The following ASMTL variants were observed in gnomAD, a reference collection of about 807,000 sequenced individuals.
ASMTL encodes the protein acetylserotonin O-methyltransferase like.
Under a neutral mutation model 60.3 loss-of-function variants are expected in ASMTL, and 57 were observed. That is an observed-to-expected ratio of 0.95 (90% CI 0.76 to 1.18). ASMTL has a LOEUF of 1.18. Ranked by LOEUF, ASMTL falls within the 50% of genes most tolerant of loss-of-function variation. ASMTL has a pLI of 0.00. For missense variants in ASMTL, 981 were observed against 852.6 expected, an observed-to-expected ratio of 1.15 and a Z score of -1.88; for synonymous variants, 419 against 373.0, an observed-to-expected ratio of 1.12 and a Z score of -1.42.
chrX:1,425,233 T>G (rs1251764342), intron 8 of ASMTL, among the ~76,000 whole-genome samples: 2 of 152,244 alleles, frequency 1.3e-5, no homozygotes, highest in Non-Finnish European at 2.9e-5. Flanking sequence ...AATCAATGTC[T>G]GTGTACACCG....
chrX:1,433,885 T>C (rs1276195176), intron 5 of ASMTL, among the ~76,000 whole-genome samples: 6 of 152,002 alleles, frequency 3.9e-5, no homozygotes, highest in African/African-American at 7.2e-5. Context: ...GGAAGGAAAG[T>C]GCTGTCCCGA....
At chrX:1,452,221 C>T (rs146856275) in intron 1 of ASMTL, among the ~76,000 whole-genome samples, 3,778 of 147,680 alleles carry the variant, frequency 0.026, 79 homozygotes, top group Admixed American at 0.05. Flanking sequence ...CCTGGGGGTC[C>T]CGGGTTACTC....
intron 12 of ASMTL, among the ~76,000 whole-genome samples, chrX:1,411,774 G>A (rs1396500771): frequency 1.4e-5 from 2 of 146,636 alleles, no homozygotes; most frequent in Middle Eastern, 3.6e-3. Flanking sequence ...TCAACTTCAC[G>A]AATAGTAAAT....
chrX:1,444,557 C>T (rs763311535), intron 1 of ASMTL, among the ~76,000 whole-genome samples: 28 of 152,174 alleles, frequency 1.8e-4, no homozygotes, highest in Non-Finnish European at 2.8e-4. Flanking sequence ...CATTTGGTGC[C>T]GAAACCCAGG....
intron 11 of ASMTL, among the ~76,000 whole-genome samples, chrX:1,414,665 G>T (rs111526990): frequency 6.6e-6 from 1 of 152,046 alleles, no homozygotes; most frequent in Non-Finnish European, 1.5e-5. Context: ...CTAAGATCAC[G>T]CCACTGCACT....
Position 1,421,815 on chromosome X carries a change from A to T in ASMTL, c.1088T>A (p.Val363Asp). The T allele has an allele frequency of 6.2e-7, 1 of 1,613,808 alleles. No individual in the cohort carries two copies. The highest frequency in any genetic ancestry group is 1.1e-5 in the South Asian group (1 of 91,068). The change falls in exon 9 of 13, where the codon GTC becomes GAC. Residue 363 changes from valine to aspartate, a missense_variant. Val to Asp is a radical substitution (Grantham distance 152). Coordinates refer to ENST00000381317, the MANE Select transcript of ASMTL (RefSeq NM_004192.4). ...GTATTCGCCATCCGATGCCAGGTAG[A>T]CGTTCGCTGTCTCTGTGTTACTGTA... is the stretch of plus-strand genomic sequence containing the variant. ...QGYSNTETAN[V>D]YLASDGEYSL...
In ASMTL at chrX:1,414,140, G is replaced by A. The variant is rs1158723741; in HGVS notation, c.1523-1286C>T. On this transcript the variant is annotated intron_variant, in intron 11 of 12. Coordinates refer to ENST00000381317, the MANE Select transcript of ASMTL (RefSeq NM_004192.4). ...CAGAGGAGAAGGCCACGTGGAGATG[G>A]AGGCAGAGACTGGAGTGATGCGGCT... The A allele has an allele frequency of 3.3e-5, 5 of 151,436 alleles. No individual in the cohort carries two copies. In the Admixed American group the frequency reaches 3.3e-4, roughly 10 times the overall value. The allele number at this position is 151,436 out of a possible 1,614,324, so 9.4% of individuals were successfully genotyped here. A position where few individuals can be genotyped will look rare whatever the true frequency, so the allele number is the denominator to read the frequency against.
At chrX:1,430,626 G>C (rs1366367209) in intron 6 of ASMTL, among the ~76,000 whole-genome samples, 1 of 151,644 alleles carries the variant, frequency 6.6e-6, no homozygotes. Context: ...GAAAAAATTA[G>C]CCAGGCGTGG....
chrX:1,418,522 G>T (rs5949026), intron 10 of ASMTL, among the ~76,000 whole-genome samples: 88,956 of 151,678 alleles, frequency 0.59, 28,432 homozygotes, highest in South Asian at 0.82. Context: ...CACGATGGCT[G>T]GTGCTACAGC....
At chrX:1,404,754 A>G (rs1217719746) in intron 12 of ASMTL, among the ~76,000 whole-genome samples, 1 of 149,502 alleles carries the variant, frequency 6.7e-6, no homozygotes, top group Admixed American at 6.7e-5. Context: ...TAGATGGTAC[A>G]TGATGGACAG....
At chrX:1,404,481 TATAG>T (rs1391617004) in intron 12 of ASMTL, among the ~76,000 whole-genome samples, 2 of 143,862 alleles carry the variant, frequency 1.4e-5, no homozygotes, top group African/African-American at 2.6e-5. Flanking sequence ...TAGATGGATG[TATAG>T]ATGGATGGAT....
At chrX:1,427,241 G>A in intron 7 of ASMTL, among the ~76,000 whole-genome samples, 2 of 151,288 alleles carry the variant, frequency 1.3e-5, no homozygotes, top group Middle Eastern at 6.9e-3. Flanking sequence ...AGGCAGGAAG[G>A]ACCCTCCCCT....
At chrX:1,452,016 T>G (rs1425565302) in intron 1 of ASMTL, among the ~76,000 whole-genome samples, 6 of 128,872 alleles carry the variant, frequency 4.7e-5, no homozygotes, top group African/African-American at 1.8e-4. Flanking sequence ...TACAGGTTAC[T>G]CTCTCCAACC....
At chrX:1,416,826 CAGAT>C (rs1296439269) in intron 11 of ASMTL, among the ~76,000 whole-genome samples, 4 of 150,982 alleles carry the variant, frequency 2.6e-5, no homozygotes, top group East Asian at 3.9e-4. Context: ...CACACAGATA[CAGAT>C]GGGCACACAG....
intron 3 of ASMTL, 40 bp from the exon 4 acceptor site, chrX:1,435,798 C>T: frequency 6.3e-7 from 1 of 1,579,580 alleles, no homozygotes; most frequent in Non-Finnish European, 8.7e-7. Context: ...TTCCCACCGG[C>T]TGGGTCAGGC....
intron 6 of ASMTL, among the ~76,000 whole-genome samples, chrX:1,430,498 G>A (rs1397512127): frequency 1.3e-5 from 2 of 152,148 alleles, no homozygotes; most frequent in East Asian, 3.9e-4. Flanking sequence ...GGCCGCGTGT[G>A]TTGGTGCGTG....
chrX:1,406,119 G>C (rs754301514), intron 12 of ASMTL, among the ~76,000 whole-genome samples: 2 of 149,536 alleles, frequency 1.3e-5, no homozygotes, highest in South Asian at 4.3e-4. Context: ...TAGGTAGGTA[G>C]ATGGATGTAT....
chrX:1,403,898 G>C lies in ASMTL; in HGVS notation c.1646-409C>G, dbSNP rs182190715. Among the ~76,000 whole-genome samples the C allele has an allele frequency of 4.7e-3, 721 of 152,220 alleles. 5 individuals are homozygous for C. The highest frequency in any genetic ancestry group is 0.016 in the African/African-American group (684 of 41,490). ...TGGATGGATGGATAGATGGATGCAT[G>C]TATGAGATGGATGGATGGGTGAATA... On this transcript the variant is annotated intron_variant, in intron 12 of 12. Coordinates refer to ENST00000381317, the MANE Select transcript of ASMTL (RefSeq NM_004192.4).
Position 1,405,221 on chromosome X carries a change from G to T in ASMTL, c.1646-1732C>A, listed in dbSNP as rs753802465. Among the ~76,000 whole-genome samples, 266 of 123,070 alleles carry T rather than the reference G, an allele frequency of 2.2e-3. 2 individuals carry two copies. The highest frequency in any genetic ancestry group is 2.9e-3 in the Admixed American group (34 of 11,572). The allele number at this position is 123,070 out of a possible 152,430, so 80.7% of individuals were successfully genotyped here. A position where few individuals can be genotyped will look rare whatever the true frequency, so the allele number is the denominator to read the frequency against. On this transcript the variant is annotated intron_variant, in intron 12 of 12. Coordinates refer to ENST00000381317, the MANE Select transcript of ASMTL (RefSeq NM_004192.4). ...GGGTACGTAGATAGATGAATGGATGGATAGATGGATGGATGGGTGAACAGA... is the reference window on the plus strand; with the variant it reads ...GGGTACGTAGATAGATGAATGGATGTATAGATGGATGGATGGGTGAACAGA...
Sources: allele counts gnomAD v4.1 joint callset (sites outside exome capture counted in the v4.1 genomes callset), GRCh38; gene constraint gnomAD v4.1.1; transcripts MANE v1.5; gene names NCBI Gene and HGNC (gene_info 2026-07-23, HGNC 2026-07-21).